CECR2: variants seen among roughly 807,000 people sequenced by gnomAD.
CECR2 encodes the protein CECR2 histone acetyl-lysine reader.
A neutral mutation model predicts 154.5 loss-of-function variants in CECR2; 30 were observed. The ratio of observed to expected loss-of-function variants is 0.19; its 90% CI spans 0.15 to 0.26. The LOEUF (loss-of-function observed/expected upper bound fraction) is 0.26, where lower values mean the gene tolerates loss of function less well. CECR2 is among the 10% of genes least tolerant of loss of function. CECR2 has a pLI of 1.00. For missense variants in CECR2, 1,743 were observed against 1,829.3 expected (o/e 0.95, Z 0.86); for synonymous variants, 725 against 683.7 (o/e 1.06, Z -0.94).
chr22:17,511,462 G>T (rs113694736), intron 7 of CECR2, among the ~76,000 whole-genome samples: 2 of 151,790 alleles, frequency 1.3e-5, no homozygotes, highest in Admixed American at 6.6e-5. Context: ...TCCCAGAGCC[G>T]CCCCTTCAGC....
intron 2 of CECR2, among the ~76,000 whole-genome samples, chr22:17,488,184 C>T (rs903271652): frequency 2.0e-5 from 3 of 152,124 alleles, no homozygotes; most frequent in Admixed American, 2.0e-4. Context: ...CACCCGGCCT[C>T]ATTTAATTTT....
At chr22:17,481,889 G>A (rs2055326590) in intron 2 of CECR2, among the ~76,000 whole-genome samples, 1 of 151,958 alleles carries the variant, frequency 6.6e-6, no homozygotes, top group Non-Finnish European at 1.5e-5. Flanking sequence ...GGCCGAGGCG[G>A]GCGGATCACC....
rs1409195699 is a variant in CECR2, at chr22:17,555,175, C to G, written c.*2335C>G. 3 of 152,338 alleles carry G rather than the reference C, an allele frequency of 2.0e-5. No individual in the cohort carries two copies. Among genetic ancestry groups the G allele is most frequent in the African/African-American group, 7.2e-5 (3 of 41,472 alleles). The allele number at this position is 152,338 out of a possible 1,614,324, so 9.4% of individuals were successfully genotyped here. A position where few individuals can be genotyped will look rare whatever the true frequency, so the allele number is the denominator to read the frequency against. Reference sequence around the variant, plus strand: ...TCTTCCAGGTAATCCTGTCTCCTCTCTCTCCCAGTGACCGCCCCAATCAGC... The same window carrying G: ...TCTTCCAGGTAATCCTGTCTCCTCTGTCTCCCAGTGACCGCCCCAATCAGC... On this transcript the variant is annotated 3_prime_UTR_variant, in exon 19 of 19. Coordinates refer to ENST00000262608, the MANE Select transcript of CECR2 (RefSeq NM_001290047.2).
intron 6 of CECR2, among the ~76,000 whole-genome samples, chr22:17,504,432 T>A (rs921276522): frequency 6.7e-6 from 1 of 148,382 alleles, no homozygotes; most frequent in Non-Finnish European, 1.5e-5. Flanking sequence ...TTATTTTTTT[T>A]ATTTTTATTT....
At position 17,552,100 on chromosome 22, in the gene CECR2, G is replaced by A; in HGVS notation, c.4347G>A (p.Glu1449=). 1 of 1,614,002 alleles carries A rather than the reference G, an allele frequency of 6.2e-7. No individual in the cohort carries two copies. The highest frequency in any genetic ancestry group is 8.5e-7 in the Non-Finnish European group (1 of 1,179,904). Residue 1449 remains glutamate (E), a synonymous_variant, in exon 18 of 19, where the codon GAG becomes GAA. Transcript: ENST00000262608. ...PKTPTAATSQ[E]EVPPHKPPTL... is the part of the protein sequence containing the mutation. ...CCCCCACAGCAGCAACATCACAGGA[G>A]GAGGTGCCGCCTCATAAGCCTCCAA...
chr22:17,521,674 G>A (rs915867459), intron 8 of CECR2, among the ~76,000 whole-genome samples: 3 of 152,102 alleles, frequency 2.0e-5, no homozygotes, highest in African/African-American at 7.2e-5. Context: ...TGAGTAGATT[G>A]TAAAAATTTT....
At chr22:17,498,515 C>T (rs967510989) in intron 3 of CECR2, among the ~76,000 whole-genome samples, 1 of 152,082 alleles carries the variant, frequency 6.6e-6, no homozygotes, top group African/African-American at 2.4e-5. Flanking sequence ...CTCAGTTGAG[C>T]TCTGGTTATG....
chr22:17,549,503 G>A lies in CECR2; in HGVS notation c.4216G>A (p.Glu1406Lys), dbSNP rs1303885505. Residue 1406 changes from glutamate (E) to lysine (K), a missense_variant, in exon 17 of 19, where the codon GAA becomes AAA. By Grantham distance (56) the Glu-to-Lys change is moderately conservative. This residue lies in a region of CECR2 where 1,250 missense variants were observed against 1,192.1 expected (regional missense o/e 1.05). Transcript: ENST00000262608. ...GGGTCACTTTCAAGCTGTGATGATG[G>A]AACAAATTGGCACTAGAAGTGGAAT... Reference protein sequence around the residue: ...GLGHFQAVMMEQIGTRSGIRG... With the variant: ...GLGHFQAVMMKQIGTRSGIRG... 1 of 1,607,688 alleles carries A rather than the reference G, an allele frequency of 6.2e-7. No individual in the cohort carries two copies. Among genetic ancestry groups the A allele is most frequent in the Non-Finnish European group, 8.5e-7 (1 of 1,177,132 alleles).
chr22:17,426,289 C>T lies in CECR2; in HGVS notation c.127-51299C>T, dbSNP rs200626512. Among the ~76,000 whole-genome samples, 1,230 of 108,498 alleles carry T rather than the reference C, an allele frequency of 0.011. 65 individuals carry two copies. In the East Asian group the frequency reaches 0.19, roughly 16 times the overall value. The allele number at this position is 108,498 out of a possible 152,430, so 71.2% of individuals were successfully genotyped here. A position where few individuals can be genotyped will look rare whatever the true frequency, so the allele number is the denominator to read the frequency against. ...ATTTCCATAGTAGGAAAAAATCCTA[C>T]TTTTTACAATTTGTTTAAAGTCACA... On this transcript the variant is annotated intron_variant, in intron 1 of 18. Coordinates refer to ENST00000262608, the MANE Select transcript of CECR2 (RefSeq NM_001290047.2).
At chr22:17,372,044 G>C (rs59560955) in intron 1 of CECR2, among the ~76,000 whole-genome samples, 1,547 of 152,276 alleles carry the variant, frequency 0.01, 30 homozygotes, top group African/African-American at 0.036. Context: ...AAGGCTATTT[G>C]ATATGACTGT....
At chr22:17,516,736 A>G (rs1241252479) in intron 8 of CECR2, among the ~76,000 whole-genome samples, 2 of 152,100 alleles carry the variant, frequency 1.3e-5, no homozygotes, top group African/African-American at 2.4e-5. Flanking sequence ...CTGGGATTAC[A>G]TGCACCTGCC....
chr22:17,369,102 G>A (rs1407344811), upstream of CECR2, among the ~76,000 whole-genome samples: 3 of 152,070 alleles, frequency 2.0e-5, no homozygotes, highest in Non-Finnish European at 4.4e-5. Flanking sequence ...TCTCTAGCCC[G>A]ACCGAAAGGA....
intron 6 of CECR2, 103 bp downstream of exon 6, chr22:17,503,234 C>A (rs139864054): frequency 3.7e-6 from 4 of 1,083,102 alleles, no homozygotes; most frequent in Non-Finnish European, 5.4e-6. Flanking sequence ...AAGGTTATTG[C>A]AATAGCCTTT....
intron 7 of CECR2, among the ~76,000 whole-genome samples, chr22:17,511,392 A>G (rs763709242): frequency 6.6e-6 from 1 of 151,530 alleles, no homozygotes; most frequent in Non-Finnish European, 1.5e-5. Flanking sequence ...CTCACTTCTC[A>G]CTGCTGCCAC....
chr22:17,527,475 T>A (rs1026748903), intron 9 of CECR2, among the ~76,000 whole-genome samples: 23 of 149,052 alleles, frequency 1.5e-4, no homozygotes, highest in African/African-American at 5.2e-4. Flanking sequence ...TAAAAATAAA[T>A]TAAAAAACAA....
At chr22:17,529,331 AGGCT>A (rs2146982741) in intron 9 of CECR2, among the ~76,000 whole-genome samples, 1 of 152,144 alleles carries the variant, frequency 6.6e-6, no homozygotes, top group African/African-American at 2.4e-5. Context: ...AAGCACAGGA[AGGCT>A]GGCTGGGCAT....
chr22:17,501,112 G>A (rs1344475387), intron 5 of CECR2, among the ~76,000 whole-genome samples: 2 of 152,046 alleles, frequency 1.3e-5, no homozygotes, highest in East Asian at 3.9e-4. Flanking sequence ...TCTTGCTATA[G>A]GACTTTTCAA....
In CECR2 at chr22:17,557,715, T is replaced by A. The variant is rs1373247152; in HGVS notation, c.*4875T>A. ...ATGGATATTGCATAAGTTATTGAAATGCTGACCCCCGTTCAGGAAACCATG... is the reference window on the plus strand; with the variant it reads ...ATGGATATTGCATAAGTTATTGAAAAGCTGACCCCCGTTCAGGAAACCATG... On this transcript the variant is annotated 3_prime_UTR_variant, in exon 19 of 19. Transcript: ENST00000262608. 6.6e-6 allele frequency: 1 copy of A among 152,222 alleles called. No individual in the cohort carries two copies. The highest frequency in any genetic ancestry group is 1.5e-5 in the Non-Finnish European group (1 of 68,090). The allele number at this position is 152,222 out of a possible 1,614,324, so 9.4% of individuals were successfully genotyped here.
chr22:17,360,808 C>T (rs1191117444), intron 1 of CECR2, among the ~76,000 whole-genome samples: 5 of 151,660 alleles, frequency 3.3e-5, no homozygotes, highest in East Asian at 2.0e-4. Flanking sequence ...TCTGCCATTG[C>T]ACTCCAGCCT....
Sources: gnomAD v4.1 joint callset for allele counts (sites outside exome capture counted in the v4.1 genomes callset) on GRCh38, gnomAD v4.1.1 for gene constraint, gnomAD v4.1.1 regional missense constraint, MANE v1.5 for transcripts, NCBI Gene and HGNC (gene_info 2026-07-23, HGNC 2026-07-21) for gene names.